Variants in LEPR observed in about 807,000 individuals in gnomAD.
LEPR encodes leptin receptor, also known as OB receptor.
Under a neutral mutation model 114.7 loss-of-function variants are expected in LEPR, and 56 were observed. That is an observed-to-expected ratio of 0.49 (90% CI 0.39 to 0.61). The LOEUF is 0.61. Among genes scored for constraint, LEPR ranks in the 20% least tolerant of loss-of-function variants. LEPR has a pLI of 0.00. For synonymous variants in LEPR, 443 were observed against 461.4 expected (o/e 0.96, Z 0.51); for missense variants, 1,202 against 1,352.9 (o/e 0.89, Z 1.75).
At chr1:65,629,019 T>TGGGAGGCCGAGGCGGGCGG (rs1570858580) in intron 19 of LEPR, among the ~76,000 whole-genome samples, 1 of 152,158 alleles carries the variant, frequency 6.6e-6, no homozygotes, top group East Asian at 1.9e-4. Flanking sequence ...ACCATATGCT[T>TGGGAGGCCGAGGCGGGCGG]ATGCCACTAT....
At chr1:65,520,029 A>G (rs1649551216) in intron 2 of LEPR, among the ~76,000 whole-genome samples, 3 of 151,894 alleles carry the variant, frequency 2.0e-5, no homozygotes, top group Admixed American at 6.6e-5. Context: ...ACGCCCGGCT[A>G]ATTTTTTGTA....
At chr1:65,538,172 T>C (rs560275865) in intron 2 of LEPR, among the ~76,000 whole-genome samples, 3 of 152,158 alleles carry the variant, frequency 2.0e-5, no homozygotes, top group African/African-American at 4.8e-5. Context: ...TTTCTTCCTT[T>C]TTTTTTTGAA....
intron 5 of LEPR, among the ~76,000 whole-genome samples, chr1:65,590,142 T>C (rs1199555093): frequency 6.6e-6 from 1 of 151,776 alleles, no homozygotes; most frequent in Non-Finnish European, 1.5e-5. Flanking sequence ...AAACATCTTT[T>C]GTCAAATACA....
intron 5 of LEPR, among the ~76,000 whole-genome samples, chr1:65,586,940 A>C (rs1018634119): frequency 1.3e-5 from 2 of 152,106 alleles, no homozygotes; most frequent in African/African-American, 4.8e-5. Flanking sequence ...CAAAATGAAA[A>C]AGAGATTGAA....
At chr1:65,433,299 A>G (rs1439329955) in intron 2 of LEPR, 1 of 985,396 alleles carries the variant, frequency 1.0e-6, no homozygotes, top group Non-Finnish European at 1.2e-6. Context: ...GTGTTGATGT[A>G]CTTGTCTTCC....
At chr1:65,421,537 G>T (rs1646251050) in intron 1 of LEPR, 2 of 1,506,184 alleles carry the variant, frequency 1.3e-6, no homozygotes, top group Non-Finnish European at 1.8e-6. Context: ...TATCATCCTT[G>T]AAATTTGCAC....
chr1:65,637,169 T>C lies in LEPR; in HGVS notation c.*154T>C, dbSNP rs1038516109. 1.5e-5 allele frequency: 13 copies of C among 859,688 alleles called. No homozygotes were observed. Among genetic ancestry groups the C allele is most frequent in the Admixed American group, 2.9e-5 (1 of 34,042 alleles). 53.3% of individuals were successfully genotyped at this position (859,688 alleles called of 1,614,324 possible). A position where few individuals can be genotyped will look rare whatever the true frequency, so the allele number is the denominator to read the frequency against. The stretch of plus-strand genomic sequence containing the variant: ...GTCTGTTTGTTCTCTCTTAGTAACA[T>C]AGACAAAAAATTTGAGAAAGCCTTC... On this transcript the variant is annotated 3_prime_UTR_variant, in exon 20 of 20. Coordinates refer to ENST00000349533, the MANE Select transcript of LEPR (RefSeq NM_002303.6).
At chr1:65,509,069 G>C (rs541443692) in intron 2 of LEPR, among the ~76,000 whole-genome samples, 105 of 152,136 alleles carry the variant, frequency 6.9e-4, no homozygotes, top group African/African-American at 2.4e-3. Context: ...TAGTTTATGA[G>C]TTTTATTAAT....
chr1:65,515,829 C>T (rs951305927), intron 2 of LEPR, among the ~76,000 whole-genome samples: 3 of 152,086 alleles, frequency 2.0e-5, no homozygotes, highest in African/African-American at 7.2e-5. Context: ...GGAGATAGCA[C>T]TTTAGTAAGA....
chr1:65,537,148 T>C (rs1452647162), intron 2 of LEPR, among the ~76,000 whole-genome samples: 2 of 152,190 alleles, frequency 1.3e-5, no homozygotes, highest in African/African-American at 2.4e-5. Context: ...ACAATACTAC[T>C]CTCTTCCTTT....
chr1:65,602,049 T>C, intron 10 of LEPR, 89 bp downstream of exon 10: 3 of 1,122,002 alleles, frequency 2.7e-6, no homozygotes, highest in South Asian at 2.5e-5. Flanking sequence ...GTCTTACAGA[T>C]TATTTGCTTC....
intron 2 of LEPR, among the ~76,000 whole-genome samples, chr1:65,506,076 A>G (rs552020828): frequency 3.1e-4 from 47 of 152,256 alleles, no homozygotes; most frequent in Non-Finnish European, 6.2e-4. Flanking sequence ...ATATTTTTGA[A>G]ATTTCATTTT....
At chr1:65,535,712 A>G (rs1650723880) in intron 2 of LEPR, among the ~76,000 whole-genome samples, 1 of 152,118 alleles carries the variant, frequency 6.6e-6, no homozygotes, top group Non-Finnish European at 1.5e-5. Context: ...AAAAACAGTA[A>G]TTTAGGTAAG....
intron 5 of LEPR, among the ~76,000 whole-genome samples, chr1:65,582,577 A>G (rs998618589): frequency 1.3e-5 from 2 of 152,206 alleles, no homozygotes; most frequent in Non-Finnish European, 1.5e-5. Context: ...CTGAGACAAC[A>G]GAAGCAGGTG....
intron 14 of LEPR, among the ~76,000 whole-genome samples, chr1:65,615,807 C>T (rs964868988): frequency 1.3e-4 from 20 of 152,256 alleles, no homozygotes; most frequent in Middle Eastern, 3.4e-3. Flanking sequence ...TGCTCCATAA[C>T]GATCCAGACA....
At chr1:65,555,210 A>T (rs553463049) in intron 2 of LEPR, among the ~76,000 whole-genome samples, 150 of 152,292 alleles carry the variant, frequency 9.8e-4, no homozygotes, top group African/African-American at 3.4e-3. Flanking sequence ...TTCTTGCTAA[A>T]TTTATTTAGC....
rs183714647 is a variant in LEPR, at chr1:65,610,007, G to T, written c.1813G>T (p.Ala605Ser). The T allele has an allele frequency of 2.7e-5, 44 of 1,614,214 alleles. No individual in the cohort carries two copies. The Admixed American group carries it at 7.2e-4, about 26-fold the overall frequency. The change falls in exon 13 of 20, where the codon GCA becomes TCA. Residue 605 changes from alanine to serine, a missense_variant. Ala to Ser is a moderately conservative substitution (Grantham distance 99, BLOSUM62 1). Coordinates refer to ENST00000349533, the MANE Select transcript of LEPR (RefSeq NM_002303.6). ...SVSLPVPDLC[A>S]VYAVQVRCKR... is the part of the protein sequence containing the mutation. ...CAGTCTCCCAGTTCCAGACTTGTGT[G>T]CAGTCTATGCTGTTCAGGTGCGCTG...
At chr1:65,541,985 C>T (rs1380965170) in intron 2 of LEPR, among the ~76,000 whole-genome samples, 1 of 152,124 alleles carries the variant, frequency 6.6e-6, no homozygotes, top group East Asian at 1.9e-4. Context: ...AAAAATAACA[C>T]AAATAATCCT....
chr1:65,491,591 C>A (rs886907403), intron 2 of LEPR, among the ~76,000 whole-genome samples: 1 of 152,002 alleles, frequency 6.6e-6, no homozygotes, highest in Non-Finnish European at 1.5e-5. Context: ...TAAGGGAAAG[C>A]GCTTTCTCCT....
Sources: gnomAD v4.1 joint callset for allele counts (sites outside exome capture counted in the v4.1 genomes callset) on GRCh38, gnomAD v4.1.1 for gene constraint, MANE v1.5 for transcripts, NCBI Gene and HGNC (gene_info 2026-07-23, HGNC 2026-07-21) for gene names.